The following SORCS1 variants were observed in gnomAD, a reference collection of about 807,000 sequenced individuals.
SORCS1 encodes the protein sortilin related VPS10 domain containing receptor 1, also known as VPS10 domain-containing receptor SorCS1.
In SORCS1, 60 loss-of-function variants were observed where a neutral mutation model predicts 146.1. The ratio of observed to expected loss-of-function variants is 0.41; its 90% CI spans 0.33 to 0.51. SORCS1 has a LOEUF of 0.51. Ranked by LOEUF, SORCS1 falls within the 20% of genes least tolerant of loss-of-function variation. SORCS1 has a pLI of 0.21. For missense variants in SORCS1, 1,352 were observed against 1,487.6 expected (o/e 0.91, Z 1.50); for synonymous variants, 637 against 584.0 (o/e 1.09, Z -1.31).
intron 1 of SORCS1, among the ~76,000 whole-genome samples, chr10:106,958,559 A>G (rs1389494449): frequency 6.6e-6 from 1 of 152,186 alleles, no homozygotes; most frequent in Non-Finnish European, 1.5e-5. Flanking sequence ...TTCTGAGTTC[A>G]AGGAAAAAAA....
At chr10:107,118,274 G>A (rs1407617503) in intron 1 of SORCS1, among the ~76,000 whole-genome samples, 1 of 152,156 alleles carries the variant, frequency 6.6e-6, no homozygotes, top group Non-Finnish European at 1.5e-5. Flanking sequence ...TTGCTGCCTT[G>A]ATCTTGGACT....
At chr10:106,701,429 A>T (rs778628265) in intron 8 of SORCS1, among the ~76,000 whole-genome samples, 21 of 152,238 alleles carry the variant, frequency 1.4e-4, no homozygotes, top group African/African-American at 2.2e-4. Context: ...CATAAGGTCA[A>T]TATGACATGT....
chr10:106,740,540 T>G (rs1479777488), intron 5 of SORCS1, among the ~76,000 whole-genome samples: 1 of 152,124 alleles, frequency 6.6e-6, no homozygotes, highest in African/African-American at 2.4e-5. Context: ...AAATTAAAAA[T>G]AAACATGTCA....
At position 106,594,758 on chromosome 10, in the gene SORCS1, C is replaced by T. The variant is rs12570217; in HGVS notation, c.3265+2593G>A. Among the ~76,000 whole-genome samples, 16 of 152,256 alleles carry T rather than the reference C, an allele frequency of 1.1e-4. No individual in the cohort carries two copies. The East Asian group carries it at 3.1e-3, about 29-fold the overall frequency. ...TATGCTATAAAAGCAAATTTTGCAT[C>T]ATGAAGGATAGACAAGTTGGCCACA... On this transcript the variant is annotated intron_variant, in intron 24 of 25. Transcript: ENST00000263054.
chr10:106,988,508 GA>G (rs1956592735), intron 1 of SORCS1, among the ~76,000 whole-genome samples: 1 of 152,016 alleles, frequency 6.6e-6, no homozygotes, highest in Non-Finnish European at 1.5e-5. Flanking sequence ...CCTTATCCAG[GA>G]AGCTACTGGG....
At chr10:107,035,234 A>G (rs1308525596) in intron 1 of SORCS1, among the ~76,000 whole-genome samples, 1 of 145,716 alleles carries the variant, frequency 6.9e-6, no homozygotes, top group Non-Finnish European at 1.5e-5. Flanking sequence ...TTCTAAGGCA[A>G]CTTAGAGCAT....
intron 10 of SORCS1, among the ~76,000 whole-genome samples, chr10:106,686,870 G>C (rs951019349): frequency 4.6e-5 from 7 of 152,154 alleles, no homozygotes; most frequent in African/African-American, 1.7e-4. Flanking sequence ...AGACTTTATG[G>C]GATGGAAGGA....
chr10:106,860,925 T>G (rs1210862740), intron 2 of SORCS1, among the ~76,000 whole-genome samples: 1 of 152,154 alleles, frequency 6.6e-6, no homozygotes, highest in East Asian at 1.9e-4. Flanking sequence ...TACTGCAGAC[T>G]TCCCCCCAGT....
At chr10:106,975,885 C>A (rs1176481687) in intron 1 of SORCS1, among the ~76,000 whole-genome samples, 3 of 152,110 alleles carry the variant, frequency 2.0e-5, no homozygotes, top group African/African-American at 4.8e-5. Flanking sequence ...TGGTGGCTCA[C>A]ACCTGTAATC....
intron 2 of SORCS1, among the ~76,000 whole-genome samples, chr10:106,857,011 T>C (rs922017814): frequency 6.6e-6 from 1 of 152,238 alleles, no homozygotes. Context: ...TCTTACATGC[T>C]GGACCAGAAA....
intron 1 of SORCS1, among the ~76,000 whole-genome samples, chr10:107,081,309 T>C (rs1374348849): frequency 6.6e-6 from 1 of 152,208 alleles, no homozygotes; most frequent in Non-Finnish European, 1.5e-5. Context: ...AATTATCTAA[T>C]AGGAATCTGC....
chr10:106,870,475 G>A (rs892157800), intron 2 of SORCS1, among the ~76,000 whole-genome samples: 4 of 152,004 alleles, frequency 2.6e-5, no homozygotes, highest in Non-Finnish European at 5.9e-5. Context: ...GTGTGGTACT[G>A]GTACAAAAAC....
chr10:106,579,380 G>A lies in SORCS1; in HGVS notation c.3360C>T (p.Tyr1120=). ...VFVGLAVFVI[Y]KFKRRVALPS... is the part of the protein sequence containing the mutation. ...AGAGGGACACGCACCTTTTAAACTT[G>A]TAGATGACGAACACTGCCAGCCCCA... The change falls in exon 25 of 26, where the codon TAC becomes TAT. Residue 1120 remains tyrosine, a synonymous_variant. Transcript: ENST00000263054. 3 of 1,614,026 alleles carry A rather than the reference G, an allele frequency of 1.9e-6. No individual in the cohort carries two copies. The highest frequency in any genetic ancestry group is 1.7e-6 in the Non-Finnish European group (2 of 1,179,988).
chr10:107,164,606 G>C lies in SORCS1; in HGVS notation c.-80C>G. The C allele has an allele frequency of 8.4e-7, 1 of 1,194,148 alleles. No homozygotes were observed. Among genetic ancestry groups the C allele is most frequent in the Non-Finnish European group, 1.1e-6 (1 of 933,472 alleles). 74.0% of individuals were successfully genotyped at this position (1,194,148 alleles called of 1,614,324 possible). On this transcript the variant is annotated 5_prime_UTR_variant, in exon 1 of 26. Coordinates refer to ENST00000263054, the MANE Select transcript of SORCS1 (RefSeq NM_052918.5). This position sits in a 1 kb window ranked among gnomAD's most constrained non-coding sequence, Gnocchi z 6.8. Reference sequence around the variant, plus strand: ...AGCTCTGCGCTGGCGGCTGTGGGGGGCCGGCGCTCAGGACCCCAACTCCAT... The same window carrying C: ...AGCTCTGCGCTGGCGGCTGTGGGGGCCCGGCGCTCAGGACCCCAACTCCAT...
At chr10:106,741,795 G>C (rs936918691) in intron 5 of SORCS1, among the ~76,000 whole-genome samples, 1 of 152,020 alleles carries the variant, frequency 6.6e-6, no homozygotes. Flanking sequence ...TAAATAGCAG[G>C]GTTTCTAAGT....
At chr10:106,668,339 G>A (rs533957330) in intron 16 of SORCS1, among the ~76,000 whole-genome samples, 35 of 152,356 alleles carry the variant, frequency 2.3e-4, no homozygotes, top group African/African-American at 8.4e-4. Flanking sequence ...TCCTTCAGGA[G>A]TGTCTCGAGC....
chr10:106,788,372 A>G (rs1245028872), intron 3 of SORCS1, among the ~76,000 whole-genome samples: 1 of 152,208 alleles, frequency 6.6e-6, no homozygotes, highest in Non-Finnish European at 1.5e-5. Context: ...AACTCATTTC[A>G]GCATTGACTC....
intron 5 of SORCS1, among the ~76,000 whole-genome samples, chr10:106,755,971 T>C (rs1158362594): frequency 2.6e-5 from 4 of 151,824 alleles, no homozygotes; most frequent in South Asian, 2.1e-4. Context: ...TCTACTAAAA[T>C]ACAAAAAATT....
At chr10:106,834,423 C>T (rs1589507061) in intron 2 of SORCS1, among the ~76,000 whole-genome samples, 1 of 151,984 alleles carries the variant, frequency 6.6e-6, no homozygotes, top group African/African-American at 2.4e-5. Context: ...TACATTGAAC[C>T]TCTTAAAAGC....
Sources: gnomAD v4.1 joint callset for allele counts (sites outside exome capture counted in the v4.1 genomes callset) on GRCh38, gnomAD v4.1.1 for gene constraint, Gnocchi (gnomAD v3.1) non-coding constraint, MANE v1.5 for transcripts, NCBI Gene and HGNC (gene_info 2026-07-23, HGNC 2026-07-21) for gene names.